Variants in HMCN1 observed in about 807,000 individuals in gnomAD.
HMCN1 encodes hemicentin-1.
In HMCN1, 321 loss-of-function variants were observed where a neutral mutation model predicts 625.9. The observed-to-expected ratio is 0.51, with a 90% confidence interval of 0.47 to 0.56. HMCN1 has a LOEUF of 0.56. Ranked by LOEUF, HMCN1 falls within the 20% of genes least tolerant of loss-of-function variation. The pLI is 0.00. For synonymous variants in HMCN1, 2,425 were observed against 2,417.6 expected, an observed-to-expected ratio of 1.00 and a Z score of -0.09; for missense variants, 6,588 against 6,887.3, an observed-to-expected ratio of 0.96 and a Z score of 1.54.
intron 106 of HMCN1, 47 bp downstream of exon 106, chr1:186,188,056 T>G: frequency 6.2e-7 from 1 of 1,609,290 alleles, no homozygotes. Context: ...AAATCCTTCC[T>G]CCCACTCCTT....
intron 1 of HMCN1, among the ~76,000 whole-genome samples, chr1:185,837,038 A>G (rs12116688): frequency 0.011 from 1,712 of 149,760 alleles, 18 homozygotes; most frequent in Non-Finnish European, 0.018. Flanking sequence ...GTGTATATAT[A>G]AAATATATAT....
At chr1:185,817,323 C>A (rs970883412) in intron 1 of HMCN1, among the ~76,000 whole-genome samples, 4 of 152,074 alleles carry the variant, frequency 2.6e-5, no homozygotes, top group Non-Finnish European at 1.5e-5. Context: ...GATGTGTGGG[C>A]AGCAATAGAC....
At chr1:185,777,212 T>A (rs1039825902) in intron 1 of HMCN1, among the ~76,000 whole-genome samples, 18 of 152,114 alleles carry the variant, frequency 1.2e-4, no homozygotes, top group Non-Finnish European at 8.8e-5. Context: ...GAATGAAGAG[T>A]GTAGATGGAA....
chr1:185,867,940 G>A (rs901128443), intron 4 of HMCN1, among the ~76,000 whole-genome samples: 5 of 152,076 alleles, frequency 3.3e-5, no homozygotes, highest in African/African-American at 7.2e-5. Flanking sequence ...ATGGTGGCAC[G>A]TACCCATAGT....
At chr1:185,904,460 A>AT (rs1665984797) in intron 4 of HMCN1, among the ~76,000 whole-genome samples, 1 of 151,912 alleles carries the variant, frequency 6.6e-6, no homozygotes, top group Non-Finnish European at 1.5e-5. Flanking sequence ...CAAAATAGTG[A>AT]TAAAAATATA....
chr1:185,910,673 C>T (rs537071968), intron 5 of HMCN1, among the ~76,000 whole-genome samples: 110 of 151,360 alleles, frequency 7.3e-4, no homozygotes, highest in African/African-American at 9.7e-4. Context: ...TGGGTTCAAA[C>T]GATTCTCCTG....
intron 11 of HMCN1, among the ~76,000 whole-genome samples, chr1:185,945,133 T>G (rs1237860075): frequency 6.6e-6 from 1 of 152,208 alleles, no homozygotes; most frequent in African/African-American, 2.4e-5. Flanking sequence ...GAGCTAATAT[T>G]ACAAAGGAGG....
At position 185,987,461 on chromosome 1, in the gene HMCN1, A is replaced by G. The variant is rs757219547; in HGVS notation, c.2965A>G (p.Ile989Val). 3 of 1,613,718 alleles carry G rather than the reference A, an allele frequency of 1.9e-6. No homozygotes were observed. Among genetic ancestry groups the G allele is most frequent in the Non-Finnish European group, 2.5e-6 (3 of 1,179,704 alleles). ...VLPTIQHGQQ[I>V]LSTIEGIPVT... ...GCCAACCATTCAGCATGGGCAGCAGATACTCAGTACAATTGAAGGCATTCC... is the reference window on the plus strand; with the variant it reads ...GCCAACCATTCAGCATGGGCAGCAGGTACTCAGTACAATTGAAGGCATTCC... Residue 989 changes from isoleucine (I) to valine (V), a missense_variant, in exon 20 of 107, where the codon ATA becomes GTA. Around this residue, in one of 3 missense-constraint regions of HMCN1, gnomAD observed 4,628 missense variants for 4,853.1 expected, o/e 0.95. Transcript: ENST00000271588.
chr1:186,083,830 C>T (rs10798036), intron 57 of HMCN1, among the ~76,000 whole-genome samples: 23 of 152,016 alleles, frequency 1.5e-4, no homozygotes, highest in Admixed American at 7.9e-4. Flanking sequence ...TTTTAATTCC[C>T]GTTCTTAGCA....
chr1:185,745,314 C>G (rs915022546), intron 1 of HMCN1, among the ~76,000 whole-genome samples: 1 of 152,178 alleles, frequency 6.6e-6, no homozygotes, highest in Non-Finnish European at 1.5e-5. Context: ...TTAGTTCATT[C>G]TATACTTGAA....
At chr1:186,089,355 T>C (rs1452231087) in intron 63 of HMCN1, among the ~76,000 whole-genome samples, 2 of 152,072 alleles carry the variant, frequency 1.3e-5, no homozygotes, top group Non-Finnish European at 2.9e-5. Flanking sequence ...AACTTGAAAC[T>C]AAGTTGAAAT....
intron 81 of HMCN1, among the ~76,000 whole-genome samples, chr1:186,124,702 CTAAT>C (rs1470079160): frequency 6.6e-6 from 1 of 151,884 alleles, no homozygotes; most frequent in Non-Finnish European, 1.5e-5. Flanking sequence ...CTGAAAGTAG[CTAAT>C]TAAAGTTTAT....
At chr1:186,090,964 C>T in intron 64 of HMCN1, 47 bp downstream of exon 64, 1 of 1,550,722 alleles carries the variant, frequency 6.4e-7, no homozygotes, top group Non-Finnish European at 8.9e-7. Context: ...AGCCCTTCTA[C>T]AATGCTTTAT....
intron 1 of HMCN1, among the ~76,000 whole-genome samples, chr1:185,826,829 C>T (rs183905132): frequency 3.6e-4 from 55 of 152,204 alleles, no homozygotes; most frequent in Non-Finnish European, 5.6e-4. Context: ...ATTCCCTTCG[C>T]CACATGAACT....
At chr1:185,883,936 G>A (rs1386480054) in intron 4 of HMCN1, among the ~76,000 whole-genome samples, 1 of 96,892 alleles carries the variant, frequency 1.0e-5, no homozygotes, top group South Asian at 3.8e-4. Flanking sequence ...ATTTTGGATT[G>A]TAGACTAGAT....
Position 185,871,969 on chromosome 1 carries a change from CA to C in HMCN1, c.621+6111del, listed in dbSNP as rs143120206. On this transcript the variant is annotated intron_variant, in intron 4 of 106. Coordinates refer to ENST00000271588, the MANE Select transcript of HMCN1 (RefSeq NM_031935.3). ...CTGAGTTTCACTCCAAAAATTATTT[CA>C]AAAACAAAACCTTACTGCTGACCTT... Among the ~76,000 whole-genome samples, 1,251 of 152,256 alleles carry C rather than the reference CA, an allele frequency of 8.2e-3. 15 individuals are homozygous for C. Among genetic ancestry groups the C allele is most frequent in the African/African-American group, 0.029 (1,196 of 41,550 alleles).
At chr1:185,828,734 A>G (rs1660676115) in intron 1 of HMCN1, among the ~76,000 whole-genome samples, 1 of 152,112 alleles carries the variant, frequency 6.6e-6, no homozygotes, top group African/African-American at 2.4e-5. Flanking sequence ...AATTTTTTAA[A>G]AACTTCATCA....
chr1:185,780,143 CTGTT>C (rs1656956749), intron 1 of HMCN1, among the ~76,000 whole-genome samples: 1 of 152,126 alleles, frequency 6.6e-6, no homozygotes, highest in Non-Finnish European at 1.5e-5. Context: ...ATTTGGCTCT[CTGTT>C]TGTCTGTTAT....
At chr1:186,138,820 T>C (rs1649780629) in intron 89 of HMCN1, among the ~76,000 whole-genome samples, 1 of 152,214 alleles carries the variant, frequency 6.6e-6, no homozygotes, top group African/African-American at 2.4e-5. Flanking sequence ...TTAATAGCCA[T>C]CTTGGGTGAA....
Sources: gnomAD v4.1 joint callset for allele counts (sites outside exome capture counted in the v4.1 genomes callset) on GRCh38, gnomAD v4.1.1 for gene constraint, gnomAD v4.1.1 regional missense constraint, MANE v1.5 for transcripts, NCBI Gene and HGNC (gene_info 2026-07-23, HGNC 2026-07-21) for gene names.